The following ZNF474 variants were observed in gnomAD, a reference collection of about 807,000 sequenced individuals.
The protein encoded by ZNF474 is 4933409D10Rik.
For missense variants in ZNF474, 511 were observed against 433.8 expected, an observed-to-expected ratio of 1.18 and a Z score of -1.58; for synonymous variants, 192 against 162.2, an observed-to-expected ratio of 1.18 and a Z score of -1.39.
chr5:122,134,549 C>A (rs1023129201), intron 1 of ZNF474, among the ~76,000 whole-genome samples: 2 of 152,172 alleles, frequency 1.3e-5, no homozygotes, highest in Non-Finnish European at 2.9e-5. Context: ...CAAAAGCAGT[C>A]AACGACAAAC....
At chr5:122,144,146 A>T (rs1755924662) in intron 1 of ZNF474, among the ~76,000 whole-genome samples, 1 of 152,002 alleles carries the variant, frequency 6.6e-6, no homozygotes, top group African/African-American at 2.4e-5. Context: ...TCCCTCCTAG[A>T]CCGAAGCATT....
chr5:122,145,985 G>C (rs1255013311), intron 1 of ZNF474, among the ~76,000 whole-genome samples: 1 of 152,294 alleles, frequency 6.6e-6, no homozygotes, highest in Non-Finnish European at 1.5e-5. Context: ...GGGTCAGTTT[G>C]TCTGGTTTTA....
chr5:122,137,749 G>A (rs76018723), intron 1 of ZNF474, among the ~76,000 whole-genome samples: 1,541 of 152,260 alleles, frequency 0.01, 61 homozygotes, highest in Admixed American at 0.069. Context: ...GTTACAGAGG[G>A]CATTCAAGGT....
chr5:122,141,989 T>A (rs926578499), intron 1 of ZNF474, among the ~76,000 whole-genome samples: 85 of 152,240 alleles, frequency 5.6e-4, no homozygotes, highest in African/African-American at 1.9e-3. Context: ...TTCTCCAGAA[T>A]ATAATGAAGT....
intron 1 of ZNF474, chr5:122,147,748 C>T (rs1194691616): frequency 1.3e-5 from 2 of 152,192 alleles, no homozygotes; most frequent in Non-Finnish European, 2.9e-5. Context: ...TATGATCACA[C>T]TTTTCATTGT....
intron 1 of ZNF474, among the ~76,000 whole-genome samples, chr5:122,147,516 C>A (rs894302231): frequency 6.6e-6 from 1 of 151,744 alleles, no homozygotes; most frequent in African/African-American, 2.4e-5. Context: ...TAATGCTATC[C>A]CTCCCCCATC....
intron 1 of ZNF474, among the ~76,000 whole-genome samples, chr5:122,139,635 AC>A (rs1023252557): frequency 6.6e-6 from 1 of 152,168 alleles, no homozygotes; most frequent in South Asian, 2.1e-4. Flanking sequence ...TATTTGAAAA[AC>A]TAGAAAACAA....
chr5:122,136,978 C>A (rs746398605), intron 1 of ZNF474, among the ~76,000 whole-genome samples: 1 of 152,202 alleles, frequency 6.6e-6, no homozygotes, highest in African/African-American at 2.4e-5. Flanking sequence ...TCTATTGTCT[C>A]GAAGTTCACA....
At position 122,153,113 on chromosome 5, in the gene ZNF474, T is replaced by C. The variant is rs1399474801; in HGVS notation, c.*28T>C. The C allele has an allele frequency of 6.3e-7, 1 of 1,576,312 alleles. No individual in the cohort carries two copies. The highest frequency in any genetic ancestry group is 1.4e-5 in the African/African-American group (1 of 73,766). On this transcript the variant is annotated 3_prime_UTR_variant, in exon 2 of 2. Coordinates refer to ENST00000296600, the MANE Select transcript of ZNF474 (RefSeq NM_207317.3). ...GAACAAGAGAAAACTATCCCCAGAA[T>C]CAGCCACCTCAGCCCCTAGTATTTT...
At chr5:122,137,492 G>A (rs1397038442) in intron 1 of ZNF474, among the ~76,000 whole-genome samples, 4 of 128,858 alleles carry the variant, frequency 3.1e-5, no homozygotes, top group Non-Finnish European at 6.5e-5. Context: ...AGTTAAGAAA[G>A]GCCTGAGTTG....
chr5:122,141,080 C>A (rs562262568), intron 1 of ZNF474, among the ~76,000 whole-genome samples: 17 of 149,046 alleles, frequency 1.1e-4, no homozygotes, highest in Middle Eastern at 6.9e-3. Context: ...GTGTTTTCAG[C>A]TTTTATTTTT....
chr5:122,144,791 T>A (rs1157417181), intron 1 of ZNF474, among the ~76,000 whole-genome samples: 5 of 152,188 alleles, frequency 3.3e-5, no homozygotes, highest in Non-Finnish European at 7.3e-5. Flanking sequence ...GATTTCTATA[T>A]ATTATAGGCC....
rs192612455 is a variant in ZNF474 at position 122,140,371 on chromosome 5, C to T, written c.-213+10688C>T. Among the ~76,000 whole-genome samples the T allele has an allele frequency of 3.2e-3, 490 of 152,252 alleles. 4 individuals are homozygous for T. Among genetic ancestry groups the T allele is most frequent in the African/African-American group, 0.011 (464 of 41,544 alleles). ...GTATTATTATAGTATAATATCCACA[C>T]TATAGTTCTGCAAAATGTTACCCTT... On this transcript the variant is annotated intron_variant, in intron 1 of 1. Transcript: ENST00000296600.
chr5:122,134,136 A>G (rs1018818213), intron 1 of ZNF474, among the ~76,000 whole-genome samples: 1 of 152,226 alleles, frequency 6.6e-6, no homozygotes, highest in African/African-American at 2.4e-5. Context: ...AGTCTTACAA[A>G]CACGAAGAAA....
chr5:122,136,382 A>G (rs954820967), intron 1 of ZNF474, among the ~76,000 whole-genome samples: 3 of 151,944 alleles, frequency 2.0e-5, no homozygotes, highest in Non-Finnish European at 4.4e-5. Flanking sequence ...AAGAAAAACA[A>G]TGTATGAATA....
intron 1 of ZNF474, among the ~76,000 whole-genome samples, chr5:122,141,150 ATTTTATTTTATTTTAT>A (rs1755832533): frequency 2.8e-5 from 1 of 35,108 alleles, no homozygotes; most frequent in Non-Finnish European, 1.3e-4. Context: ...ATTTTATTTT[ATTTTATTTTATTTTAT>A]TTTATTTTTG....
chr5:122,143,588 G>A (rs1266960942), intron 1 of ZNF474, among the ~76,000 whole-genome samples: 6 of 152,108 alleles, frequency 3.9e-5, no homozygotes, highest in African/African-American at 1.4e-4. Context: ...GTTCTTATAC[G>A]TTTGCAGTTC....
intron 1 of ZNF474, among the ~76,000 whole-genome samples, chr5:122,141,021 C>T (rs1419275364): frequency 1.3e-5 from 2 of 151,924 alleles, no homozygotes; most frequent in Non-Finnish European, 2.9e-5. Context: ...ATGGGGGATC[C>T]ATTTTAGGTT....
At chr5:122,138,844 G>C (rs1373001198) in intron 1 of ZNF474, among the ~76,000 whole-genome samples, 2 of 152,152 alleles carry the variant, frequency 1.3e-5, no homozygotes, top group Non-Finnish European at 2.9e-5. Context: ...AGAGTCTTCA[G>C]TGAGGTGATA....
Sources: allele counts gnomAD v4.1 joint callset (sites outside exome capture counted in the v4.1 genomes callset), GRCh38; gene constraint gnomAD v4.1.1; transcripts MANE v1.5; gene names NCBI Gene and HGNC (gene_info 2026-07-23, HGNC 2026-07-21).